Variants in RPS6KC1 observed in about 807,000 individuals in gnomAD.
RPS6KC1 encodes the protein ribosomal protein S6 kinase C1.
Under a neutral mutation model 103.8 loss-of-function variants are expected in RPS6KC1, and 54 were observed. The ratio of observed to expected loss-of-function variants is 0.52; its 90% CI spans 0.42 to 0.65. The LOEUF is 0.65. Among genes scored for constraint, RPS6KC1 ranks in the 30% least tolerant of loss-of-function variants. RPS6KC1 has a pLI of 0.00. For synonymous variants in RPS6KC1, 439 were observed against 438.7 expected (o/e 1.00, Z -0.01); for missense variants, 1,151 against 1,253.8 (o/e 0.92, Z 1.24).
the RPS6KC1 span, among the ~76,000 whole-genome samples, chr1:213,626,985 G>A: frequency 2.0e-5 from 3 of 152,124 alleles, no homozygotes; most frequent in Admixed American, 6.6e-5. Flanking sequence ...AGCTTGATAG[G>A]GATAGCATTG....
the RPS6KC1 span, among the ~76,000 whole-genome samples, chr1:213,825,468 C>T: frequency 6.6e-5 from 10 of 152,258 alleles, no homozygotes; most frequent in East Asian, 5.8e-4. Flanking sequence ...AGGAAGAACC[C>T]GGTGCTAGAG....
chr1:213,440,745 T>C, the RPS6KC1 span, among the ~76,000 whole-genome samples: 1 of 152,150 alleles, frequency 6.6e-6, no homozygotes, highest in Admixed American at 6.5e-5. Flanking sequence ...TTGTAGCATT[T>C]CTCATAGATG....
chr1:213,479,772 C>T, the RPS6KC1 span, among the ~76,000 whole-genome samples: 4 of 151,916 alleles, frequency 2.6e-5, no homozygotes, highest in Admixed American at 2.6e-4. Flanking sequence ...TGTTTCTTTA[C>T]ATTTAGATAT....
At chr1:213,435,364 T>G in the RPS6KC1 span, among the ~76,000 whole-genome samples, 7 of 152,228 alleles carry the variant, frequency 4.6e-5, no homozygotes, top group African/African-American at 1.7e-4. Context: ...TTATTCTCAT[T>G]ATTGTTTGTT....
the RPS6KC1 span, among the ~76,000 whole-genome samples, chr1:213,387,881 C>T: frequency 1.3e-5 from 2 of 152,242 alleles, no homozygotes; most frequent in Non-Finnish European, 2.9e-5. Context: ...GGCTCATTGT[C>T]TGTTGCTCCT....
rs12075302 is a variant in RPS6KC1, at chr1:213,233,052, A to G, written c.1225+797A>G. ...TTTGTATAACTATTGTACTTTACTA[A>G]TAGGCATAACATTTGTATTTAATAT... is the stretch of plus-strand genomic sequence containing the variant. On this transcript the variant is annotated intron_variant, in intron 10 of 14. Transcript: ENST00000366960. Among the ~76,000 whole-genome samples, 1,061 of 152,310 alleles carry G rather than the reference A, an allele frequency of 7.0e-3. 13 individuals are homozygous for G. Among genetic ancestry groups the G allele is most frequent in the African/African-American group, 0.024 (1,005 of 41,560 alleles).
the RPS6KC1 span, among the ~76,000 whole-genome samples, chr1:213,309,430 A>G: frequency 6.6e-6 from 1 of 152,236 alleles, no homozygotes; most frequent in Non-Finnish European, 1.5e-5. Context: ...CCAAGTATTT[A>G]AAAAAATGGT....
At chr1:213,621,526 T>C in the RPS6KC1 span, among the ~76,000 whole-genome samples, 1 of 152,140 alleles carries the variant, frequency 6.6e-6, no homozygotes, top group South Asian at 2.1e-4. Flanking sequence ...ATTAAAGTGC[T>C]CGGAATTAAG....
the RPS6KC1 span, among the ~76,000 whole-genome samples, chr1:213,363,609 GCTTGCTTGCTTGCTTGCTTTCTTTCTTT>G: frequency 2.0e-4 from 14 of 71,772 alleles, 2 homozygotes; most frequent in African/African-American, 7.4e-4. Flanking sequence ...TCGCTCGCTT[GCTTGCTTGCTTGCTTGCTTTCTTTCTTT>G]CTTTCTTTCT....
intron 6 of RPS6KC1, among the ~76,000 whole-genome samples, chr1:213,162,458 T>G (rs931882328): frequency 6.6e-6 from 1 of 152,044 alleles, no homozygotes; most frequent in Non-Finnish European, 1.5e-5. Context: ...TTAAAAAAAA[T>G]TTTTTGTAAA....
the RPS6KC1 span, chr1:213,817,820 G>C: frequency 2.0e-5 from 3 of 151,866 alleles, no homozygotes; most frequent in Admixed American, 2.0e-4. Context: ...CAAATTGAAG[G>C]TATGTGTAAC....
At chr1:213,718,662 C>T in the RPS6KC1 span, among the ~76,000 whole-genome samples, 1 of 152,242 alleles carries the variant, frequency 6.6e-6, no homozygotes, top group African/African-American at 2.4e-5. Flanking sequence ...TCCACACCAT[C>T]TGCTGGTAAC....
At chr1:213,648,518 T>A in the RPS6KC1 span, among the ~76,000 whole-genome samples, 1 of 152,156 alleles carries the variant, frequency 6.6e-6, no homozygotes, top group South Asian at 2.1e-4. Flanking sequence ...AGTTTCATCC[T>A]AACTCCACTG....
the RPS6KC1 span, among the ~76,000 whole-genome samples, chr1:213,678,868 T>C: frequency 6.6e-6 from 1 of 152,220 alleles, no homozygotes; most frequent in African/African-American, 2.4e-5. Flanking sequence ...CTTAGCAAGT[T>C]GTCCTACCTC....
chr1:213,586,823 C>G, the RPS6KC1 span, among the ~76,000 whole-genome samples: 2 of 152,222 alleles, frequency 1.3e-5, no homozygotes. Flanking sequence ...GGTCCAGTCT[C>G]TGCTCCCAGC....
intron 6 of RPS6KC1, among the ~76,000 whole-genome samples, chr1:213,162,370 C>T (rs1335488995): frequency 1.3e-5 from 2 of 151,938 alleles, no homozygotes; most frequent in Non-Finnish European, 2.9e-5. Flanking sequence ...AGCCTTGAAC[C>T]CCTGGGCTCA....
the RPS6KC1 span, among the ~76,000 whole-genome samples, chr1:213,835,554 T>C: frequency 6.6e-6 from 1 of 152,184 alleles, no homozygotes. Flanking sequence ...GAGTAATAAC[T>C]GCACTAACAT....
chr1:213,214,857 G>A (rs994115186), intron 8 of RPS6KC1, among the ~76,000 whole-genome samples: 3 of 151,924 alleles, frequency 2.0e-5, no homozygotes, highest in Admixed American at 6.6e-5. Flanking sequence ...AAAGGACGTC[G>A]ACACCAAAAC....
chr1:213,668,862 A>AT, the RPS6KC1 span, among the ~76,000 whole-genome samples: 2 of 152,168 alleles, frequency 1.3e-5, no homozygotes, highest in East Asian at 3.9e-4. Context: ...AAGACAGCTT[A>AT]TTTCCTTAAC....
Sources: allele counts gnomAD v4.1 joint callset (sites outside exome capture counted in the v4.1 genomes callset), GRCh38; gene constraint gnomAD v4.1.1; transcripts MANE v1.5; gene names NCBI Gene and HGNC (gene_info 2026-07-23, HGNC 2026-07-21).